Variants in RIF1 observed in about 807,000 individuals in gnomAD.
RIF1 encodes telomere-associated protein RIF1.
In RIF1, 45 loss-of-function variants were observed where a neutral mutation model predicts 247.1. The observed-to-expected ratio is 0.18, with a 90% CI of 0.14 to 0.23. RIF1 has a LOEUF of 0.23. RIF1 is among the 10% of genes least tolerant of loss of function. RIF1 has a pLI of 1.00. For synonymous variants in RIF1, 1,087 were observed against 978.8 expected (o/e 1.11, Z -2.06); for missense variants, 2,967 against 2,862.5 (o/e 1.04, Z -0.83).
chr2:151,447,198 C>T (rs1397711248), intron 20 of RIF1, among the ~76,000 whole-genome samples: 1 of 152,196 alleles, frequency 6.6e-6, no homozygotes, highest in East Asian at 1.9e-4. Context: ...CCGCCTCGGC[C>T]TCCCAAAGTG....
At position 151,475,072 on chromosome 2, in the gene RIF1, T is replaced by A. The variant is rs1483623576; in HGVS notation, c.*1T>A. ...ACCATCCCATGAAAATTCTATTTAG[T>A]ATTTTCAGAGAAAATTGAAGGTTTT... On this transcript the variant is annotated 3_prime_UTR_variant, in exon 36 of 36. Coordinates refer to ENST00000444746, the MANE Select transcript of RIF1 (RefSeq NM_018151.5). The A allele has an allele frequency of 6.3e-7, 1 of 1,591,816 alleles. No homozygotes were observed. Among genetic ancestry groups the A allele is most frequent in the South Asian group, 1.1e-5 (1 of 90,520 alleles).
the RIF1 span, chr2:151,519,215 GAA>G: frequency 1.5e-6 from 1 of 663,066 alleles, no homozygotes. Flanking sequence ...CCAGAAGGCA[GAA>G]ACAACCCAAG....
the RIF1 span, among the ~76,000 whole-genome samples, chr2:151,516,198 T>C: frequency 6.6e-6 from 1 of 152,214 alleles, no homozygotes; most frequent in Non-Finnish European, 1.5e-5. Context: ...ATAATTTGTG[T>C]TGGGAATAGT....
In RIF1 at chr2:151,438,666, G is replaced by A. The variant is rs1474687003; in HGVS notation, c.1484-18G>A. The A allele has an allele frequency of 2.5e-5, 39 of 1,591,314 alleles. No individual in the cohort carries two copies. The highest frequency in any genetic ancestry group is 3.3e-5 in the Non-Finnish European group (38 of 1,159,502). ...TATGTACTTCATTTAAAATACTCAA[G>A]TTTATTTTGTTTGACAGATGTGGTT... On this transcript the variant is annotated intron_variant, in intron 13 of 35. Coordinates refer to ENST00000444746, the MANE Select transcript of RIF1 (RefSeq NM_018151.5).
intron 22 of RIF1, among the ~76,000 whole-genome samples, chr2:151,455,394 C>G (rs1451033755): frequency 1.3e-5 from 2 of 151,920 alleles, no homozygotes; most frequent in Non-Finnish European, 2.9e-5. Context: ...CAATGCTTAC[C>G]TTTTCAGAAT....
exon 11 of RIF1, chr2:151,499,362 C>CCTTTT: frequency 6.5e-7 from 1 of 1,545,654 alleles, no homozygotes; most frequent in Non-Finnish European, 8.7e-7. Context: ...GATTGGAATC[C>CCTTTT]CTTTTCCAAC....
chr2:151,493,426 A>C (rs761657388), intron 9 of RIF1: 1 of 1,605,464 alleles, frequency 6.2e-7, no homozygotes, highest in South Asian at 1.1e-5. Flanking sequence ...TGCTTTTCTC[A>C]TGTTCTCTTT....
intron 12 of RIF1, chr2:151,503,464 C>A: frequency 6.6e-7 from 1 of 1,510,184 alleles, no homozygotes; most frequent in Non-Finnish European, 9.2e-7. Flanking sequence ...ATTAGAATAC[C>A]CAGAAAGGTA....
the RIF1 span, chr2:151,526,970 G>A: frequency 1.2e-6 from 2 of 1,604,714 alleles, no homozygotes; most frequent in South Asian, 1.1e-5. Flanking sequence ...TTTGTCATCA[G>A]TGACAGAAAG....
At chr2:151,494,441 G>A (rs944246704) in intron 9 of RIF1, among the ~76,000 whole-genome samples, 2 of 152,102 alleles carry the variant, frequency 1.3e-5, no homozygotes, top group African/African-American at 2.4e-5. Flanking sequence ...AACCAGGATA[G>A]GCACCTGCCC....
In RIF1 at chr2:151,490,336, G is replaced by T. The variant is rs753178123; in HGVS notation, c.*416-4893G>T. The T allele has an allele frequency of 5.1e-6, 8 of 1,573,814 alleles. No homozygotes were observed. The East Asian group carries it at 1.9e-4, about 37-fold the overall frequency. ...ATAGTAACCATCAATGAGCTGGCCG[G>T]GTGGGACTGCCAAAATCAGCGCCAG... On this transcript the variant is annotated intron_variant and NMD_transcript_variant, in intron 9 of 13. Transcript: ENST00000454583.
intron 9 of RIF1, chr2:151,493,718 A>G (rs1398059815): frequency 3.9e-6 from 5 of 1,293,854 alleles, no homozygotes; most frequent in Non-Finnish European, 5.4e-6. Flanking sequence ...TAGTGGTACA[A>G]CCATGTTTGC....
intron 22 of RIF1, among the ~76,000 whole-genome samples, chr2:151,456,309 A>G (rs1374440169): frequency 6.6e-6 from 1 of 152,196 alleles, no homozygotes; most frequent in East Asian, 1.9e-4. Flanking sequence ...GTAATGCCTA[A>G]AAGAAATGTA....
intron 21 of RIF1, 42 bp downstream of exon 21, chr2:151,451,747 T>C (rs1267657712): frequency 9.6e-7 from 1 of 1,039,016 alleles, no homozygotes; most frequent in Non-Finnish European, 1.5e-6. Flanking sequence ...CAGTATTTCA[T>C]AAGCAGTACT....
chr2:151,421,036 A>G (rs933982085), intron 7 of RIF1, among the ~76,000 whole-genome samples: 1 of 152,220 alleles, frequency 6.6e-6, no homozygotes, highest in African/African-American at 2.4e-5. Flanking sequence ...ACATAAACTT[A>G]CCTAGTCTCT....
intron 9 of RIF1, chr2:151,494,184 G>GT: frequency 6.2e-7 from 1 of 1,607,640 alleles, no homozygotes; most frequent in Non-Finnish European, 8.5e-7. Flanking sequence ...TCTTGATTGC[G>GT]TTTGACTCTC....
intron 27 of RIF1, among the ~76,000 whole-genome samples, chr2:151,461,779 T>G (rs2152491148): frequency 6.6e-6 from 1 of 152,346 alleles, no homozygotes; most frequent in Non-Finnish European, 1.5e-5. Context: ...TACCAAATAT[T>G]TATAAACTGA....
chr2:151,414,996 A>G (rs1686938336), intron 4 of RIF1, 77 bp downstream of exon 4: 1 of 882,384 alleles, frequency 1.1e-6, no homozygotes, highest in Non-Finnish European at 1.8e-6. Flanking sequence ...TGATGCTGTT[A>G]AAAGTACTGT....
chr2:151,445,623 C>T (rs553368466), intron 19 of RIF1, among the ~76,000 whole-genome samples, 178 bp downstream of exon 19: 15 of 152,182 alleles, frequency 9.9e-5, no homozygotes, highest in South Asian at 2.1e-4. Context: ...TCTCAGCTTA[C>T]TGCAACCTCT....
Sources: allele counts gnomAD v4.1 joint callset (sites outside exome capture counted in the v4.1 genomes callset), GRCh38; gene constraint gnomAD v4.1.1; transcripts MANE v1.5; gene names NCBI Gene and HGNC (gene_info 2026-07-23, HGNC 2026-07-21).